The following ROCK1 variants were observed in gnomAD, a reference collection of about 807,000 sequenced individuals.
ROCK1 encodes Rho associated coiled-coil containing protein kinase 1, also known as rho-associated protein kinase 1.
ROCK1 carries 36 observed loss-of-function variants against 196.8 expected under a neutral mutation model. The ratio of observed to expected loss-of-function variants is 0.18; its 90% CI spans 0.14 to 0.24. The LOEUF is 0.24. ROCK1 is among the 10% of genes least tolerant of loss of function. ROCK1 has a pLI of 1.00. For synonymous variants in ROCK1, 443 were observed against 515.9 expected (o/e 0.86, Z 1.91); for missense variants, 920 against 1,562.0 (o/e 0.59, Z 6.93).
chr18:20,960,251 CAAAAGA>C lies in ROCK1; in HGVS notation c.3353-51_3353-46del, dbSNP rs2035314414. 2.5e-6 allele frequency: 3 copies of C among 1,188,166 alleles called. No homozygotes were observed. The African/African-American group carries it at 4.6e-5, about 18-fold the overall frequency. The allele number at this position is 1,188,166 out of a possible 1,614,324, so 73.6% of individuals were successfully genotyped here. ...TGTATTAGTCAGTCTTAAATTGTAA[CAAAAGA>C]AAAACTATTAAAAGTTGTCTGACAG... On this transcript the variant is annotated intron_variant, in intron 27 of 32. Transcript: ENST00000399799.
chr18:21,081,517 T>G (rs1466411986), intron 1 of ROCK1, among the ~76,000 whole-genome samples: 1 of 151,678 alleles, frequency 6.6e-6, no homozygotes, highest in East Asian at 1.9e-4. Context: ...GAATAAAGAT[T>G]AAAGTGAAGA....
chr18:20,998,068 C>T (rs1056601931), intron 16 of ROCK1, among the ~76,000 whole-genome samples: 1 of 152,066 alleles, frequency 6.6e-6, no homozygotes, highest in Non-Finnish European at 1.5e-5. Flanking sequence ...AACTTCTGAC[C>T]TCAAGTGATC....
intron 26 of ROCK1, 144 bp downstream of exon 26, chr18:20,967,608 A>G (rs1289423284): frequency 5.2e-6 from 3 of 573,656 alleles, no homozygotes; most frequent in Non-Finnish European, 8.8e-6. Flanking sequence ...TAACAGCCAT[A>G]TCCCAATTTC....
intron 2 of ROCK1, among the ~76,000 whole-genome samples, chr18:21,058,940 G>A (rs1320043417): frequency 6.6e-6 from 1 of 152,192 alleles, no homozygotes. Flanking sequence ...ACTCTAGGAA[G>A]ATGTGCTACA....
chr18:20,998,555 A>G (rs567256761), intron 16 of ROCK1, among the ~76,000 whole-genome samples: 3 of 152,064 alleles, frequency 2.0e-5, no homozygotes, highest in African/African-American at 7.2e-5. Context: ...CCAGCAAATA[A>G]AAGCCCAGGA....
chr18:21,058,098 G>C (rs1015679714), intron 2 of ROCK1, among the ~76,000 whole-genome samples: 2 of 151,988 alleles, frequency 1.3e-5, no homozygotes, highest in Non-Finnish European at 2.9e-5. Context: ...ATATGAACTT[G>C]ATTTTCTAAA....
chr18:21,007,139 CA>C (rs1277245255), intron 14 of ROCK1, among the ~76,000 whole-genome samples: 1 of 151,910 alleles, frequency 6.6e-6, no homozygotes, highest in African/African-American at 2.4e-5. Context: ...AATAAAAATA[CA>C]AAATTTAAAA....
intron 16 of ROCK1, among the ~76,000 whole-genome samples, chr18:20,996,986 C>T (rs1404671226): frequency 6.6e-6 from 1 of 151,904 alleles, no homozygotes; most frequent in African/African-American, 2.4e-5. Context: ...AAATTAAAAC[C>T]TATCACCAGA....
chr18:20,993,978 C>T (rs1333571432), intron 16 of ROCK1, among the ~76,000 whole-genome samples: 1 of 152,184 alleles, frequency 6.6e-6, no homozygotes, highest in African/African-American at 2.4e-5. Flanking sequence ...GTTTGACTTA[C>T]TGTACTTGTC....
At chr18:20,990,596 A>G (rs1480747044) in intron 18 of ROCK1, among the ~76,000 whole-genome samples, 2 of 139,818 alleles carry the variant, frequency 1.4e-5, no homozygotes, top group African/African-American at 5.2e-5. Context: ...CGGGAGGCTG[A>G]GGCAGGAGAA....
At chr18:21,095,761 A>G (rs1293104887) in intron 1 of ROCK1, among the ~76,000 whole-genome samples, 2 of 152,122 alleles carry the variant, frequency 1.3e-5, no homozygotes, top group African/African-American at 4.8e-5. Flanking sequence ...GAAAAAATGA[A>G]TAAGATCTAG....
intron 2 of ROCK1, among the ~76,000 whole-genome samples, chr18:21,065,385 G>T (rs2036325536): frequency 6.6e-6 from 1 of 151,268 alleles, no homozygotes; most frequent in South Asian, 2.1e-4. Context: ...CCAAACAAAT[G>T]AGCTCTCTTG....
At chr18:21,039,295 G>T (rs2036084880) in intron 9 of ROCK1, among the ~76,000 whole-genome samples, 177 bp downstream of exon 9, 1 of 152,108 alleles carries the variant, frequency 6.6e-6, no homozygotes, top group Non-Finnish European at 1.5e-5. Flanking sequence ...CATAAGAGGA[G>T]TAACAATATA....
chr18:21,056,034 A>C (rs2036242432), intron 2 of ROCK1, among the ~76,000 whole-genome samples: 1 of 152,094 alleles, frequency 6.6e-6, no homozygotes, highest in African/African-American at 2.4e-5. Flanking sequence ...TCTTCCAACA[A>C]TACTGAAGAT....
At chr18:20,992,709 A>C (rs1052218900) in intron 17 of ROCK1, 122 bp downstream of exon 17, 1 of 596,784 alleles carries the variant, frequency 1.7e-6, no homozygotes, top group Non-Finnish European at 2.8e-6. Flanking sequence ...CAAACATAAA[A>C]ACTTTTAGAA....
At chr18:20,989,155 A>G (rs911739099) in intron 18 of ROCK1, among the ~76,000 whole-genome samples, 1 of 152,240 alleles carries the variant, frequency 6.6e-6, no homozygotes, top group African/African-American at 2.4e-5. Flanking sequence ...CCTAAGTGAG[A>G]ATGACTGATG....
At chr18:20,969,779 A>G (rs1301400862) in intron 23 of ROCK1, among the ~76,000 whole-genome samples, 4 of 152,166 alleles carry the variant, frequency 2.6e-5, no homozygotes, top group Non-Finnish European at 5.9e-5. Context: ...CTTTGCCAAG[A>G]CCATATAACT....
intron 29 of ROCK1, among the ~76,000 whole-genome samples, chr18:20,959,092 T>A (rs1247259167): frequency 6.2e-5 from 2 of 32,450 alleles, no homozygotes; most frequent in South Asian, 7.6e-4. Context: ...ATATTTTATA[T>A]AATATATATA....
At chr18:21,061,999 G>A (rs189363366) in intron 2 of ROCK1, among the ~76,000 whole-genome samples, 5 of 152,290 alleles carry the variant, frequency 3.3e-5, no homozygotes, top group South Asian at 2.1e-4. Flanking sequence ...GTCTAAACAC[G>A]TTTAACATGT....
Sources: allele counts gnomAD v4.1 joint callset (sites outside exome capture counted in the v4.1 genomes callset), GRCh38; gene constraint gnomAD v4.1.1; transcripts MANE v1.5; gene names NCBI Gene and HGNC (gene_info 2026-07-23, HGNC 2026-07-21).